Variants in UGT3A1 observed in about 807,000 individuals in gnomAD.
The protein encoded by UGT3A1 is UDP glycosyltransferase family 3 member A1.
A neutral mutation model predicts 37.6 loss-of-function variants in UGT3A1; 40 were observed. The ratio of observed to expected loss-of-function variants is 1.06; its 90% confidence interval spans 0.83 to 1.38. The LOEUF (loss-of-function observed/expected upper bound fraction) is 1.38, where lower values mean the gene tolerates loss of function less well. Among genes scored for constraint, UGT3A1 ranks in the 40% most tolerant of loss-of-function variants. UGT3A1 has a pLI of 0.00. For synonymous variants in UGT3A1, 256 were observed against 232.3 expected (o/e 1.10, Z -0.93); for missense variants, 642 against 634.2 (o/e 1.01, Z -0.13).
At chr5:35,955,563 T>C in intron 6 of UGT3A1, 82 bp downstream of exon 6, 1 of 1,487,396 alleles carries the variant, frequency 6.7e-7, no homozygotes, top group Non-Finnish European at 9.3e-7. Context: ...CAGCTATTAT[T>C]GTGAAAAATA....
intron 2 of UGT3A1, among the ~76,000 whole-genome samples, chr5:35,975,465 T>C (rs771740714): frequency 2.6e-5 from 4 of 152,224 alleles, no homozygotes; most frequent in Non-Finnish European, 1.5e-5. Flanking sequence ...CTTCATGCAA[T>C]GCTTCCACCA....
At chr5:35,954,817 A>G (rs1395954966) in intron 6 of UGT3A1, 1 of 235,076 alleles carries the variant, frequency 4.3e-6, no homozygotes, top group Non-Finnish European at 8.3e-6. Context: ...GAGAATATGT[A>G]CCTGATTCAG....
At chr5:36,000,343 A>T (rs1741191948) in intron 1 of UGT3A1, among the ~76,000 whole-genome samples, 1 of 152,232 alleles carries the variant, frequency 6.6e-6, no homozygotes. Context: ...TTTAGTAAAG[A>T]ATTCCTTTTA....
chr5:35,968,843 G>C (rs1739921469), intron 2 of UGT3A1, among the ~76,000 whole-genome samples: 1 of 152,170 alleles, frequency 6.6e-6, no homozygotes, highest in Admixed American at 6.5e-5. Flanking sequence ...CCAGGCCAAA[G>C]TGGGAGAATC....
chr5:35,967,935 C>A, intron 3 of UGT3A1, 84 bp downstream of exon 3: 1 of 1,073,716 alleles, frequency 9.3e-7, no homozygotes, highest in South Asian at 1.4e-5. Flanking sequence ...TTCTCTAAAA[C>A]TCACTCCAAA....
intron 2 of UGT3A1, among the ~76,000 whole-genome samples, chr5:35,970,145 C>T (rs1219729105): frequency 6.6e-6 from 1 of 152,098 alleles, no homozygotes; most frequent in Admixed American, 6.6e-5. Flanking sequence ...AATCCCAGAA[C>T]TTTGGGAGGC....
At chr5:35,989,488 T>A (rs754322164) in intron 1 of UGT3A1, among the ~76,000 whole-genome samples, 1 of 152,162 alleles carries the variant, frequency 6.6e-6, no homozygotes, top group Non-Finnish European at 1.5e-5. Context: ...TGCGCAGCTG[T>A]CTGAATGACT....
chr5:35,978,759 C>T (rs1740401748), intron 2 of UGT3A1, among the ~76,000 whole-genome samples: 1 of 152,126 alleles, frequency 6.6e-6, no homozygotes, highest in African/African-American at 2.4e-5. Context: ...CCCCCATAGT[C>T]TTAACTCATT....
chr5:35,979,893 CAA>C (rs1053391804), intron 2 of UGT3A1, among the ~76,000 whole-genome samples: 1 of 152,214 alleles, frequency 6.6e-6, no homozygotes, highest in Non-Finnish European at 1.5e-5. Context: ...TCACAGCAGG[CAA>C]GAGAGAGAGA....
chr5:35,990,008 C>G (rs976008087), intron 1 of UGT3A1, among the ~76,000 whole-genome samples: 6 of 151,438 alleles, frequency 4.0e-5, no homozygotes, highest in Admixed American at 2.6e-4. Context: ...AGGAGAATGG[C>G]GTGAACCCGG....
At chr5:35,991,877 C>T (rs576383216), upstream of UGT3A1, among the ~76,000 whole-genome samples, 36 of 152,152 alleles carry the variant, frequency 2.4e-4, no homozygotes, top group Non-Finnish European at 3.4e-4. Context: ...AAAGTCACTC[C>T]GGGTCTGTAC....
At chr5:35,955,886 G>A (rs1389246693) in intron 5 of UGT3A1, 22 bp from the exon 6 acceptor site, 2 of 1,611,336 alleles carry the variant, frequency 1.2e-6, no homozygotes, top group South Asian at 2.2e-5. Flanking sequence ...AAGAAAGAGA[G>A]TGGAACACTT....
intron 2 of UGT3A1, among the ~76,000 whole-genome samples, chr5:35,972,496 T>TGTGC (rs1427913455): frequency 1.4e-5 from 1 of 69,598 alleles, no homozygotes; most frequent in Non-Finnish European, 2.9e-5. Context: ...TTGAAATACG[T>TGTGC]GTGTGTGTGT....
intron 1 of UGT3A1, among the ~76,000 whole-genome samples, chr5:35,999,188 G>A (rs1580974454): frequency 7.2e-6 from 1 of 138,434 alleles, no homozygotes; most frequent in Middle Eastern, 4.5e-3. Context: ...AGTGAGCCGA[G>A]ATCACACCAC....
chr5:35,980,461 G>A (rs1444028631), intron 2 of UGT3A1, among the ~76,000 whole-genome samples: 8 of 152,322 alleles, frequency 5.3e-5, no homozygotes, highest in Non-Finnish European at 1.0e-4. Flanking sequence ...AACAATACCA[G>A]AGGGGAGAGA....
At chr5:35,954,826 A>G in intron 6 of UGT3A1, 1 of 215,640 alleles carries the variant, frequency 4.6e-6, no homozygotes. Context: ...TACCTGATTC[A>G]GGGTTTGTGT....
chr5:35,996,629 T>C (rs1294004461), intron 2 of UGT3A1, among the ~76,000 whole-genome samples: 1 of 152,200 alleles, frequency 6.6e-6, no homozygotes, highest in African/African-American at 2.4e-5. Flanking sequence ...ATAATGCCCA[T>C]ATCTCTTTTT....
chr5:35,973,905 G>T (rs1423022994), intron 2 of UGT3A1, among the ~76,000 whole-genome samples: 1 of 152,160 alleles, frequency 6.6e-6, no homozygotes, highest in Non-Finnish European at 1.5e-5. Flanking sequence ...GAGACCTAGA[G>T]CATTAGCTAA....
At position 35,978,430 on chromosome 5, in the gene UGT3A1, T is replaced by C. The variant is rs371494846; in HGVS notation, c.196+10020A>G. Among the ~76,000 whole-genome samples the C allele has an allele frequency of 1.1e-4, 16 of 152,280 alleles. 1 individual carries two copies. Among genetic ancestry groups the C allele is most frequent in the South Asian group, 6.2e-4 (3 of 4,824 alleles). On this transcript the variant is annotated intron_variant, in intron 2 of 6. Transcript: ENST00000274278. ...TAATGGACTCACAGTTCCACATGGC[T>C]GGAGAGACCTCACAATCATGGCAGA...
Sources: gnomAD v4.1 joint callset for allele counts (sites outside exome capture counted in the v4.1 genomes callset) on GRCh38, gnomAD v4.1.1 for gene constraint, MANE v1.5 for transcripts, NCBI Gene and HGNC (gene_info 2026-07-23, HGNC 2026-07-21) for gene names.